Variants in MAGI2 observed in about 807,000 individuals in gnomAD.
MAGI2 encodes membrane-associated guanylate kinase, WW and PDZ domain-containing protein 2.
Under a neutral mutation model 133.3 loss-of-function variants are expected in MAGI2, and 35 were observed. That is an observed-to-expected ratio of 0.26 (90% CI 0.20 to 0.35). The LOEUF is 0.35. Ranked by LOEUF, MAGI2 falls within the 10% of genes least tolerant of loss-of-function variation. The pLI, the probability that MAGI2 is intolerant of heterozygous loss-of-function variation, is 1.00. For synonymous variants in MAGI2, 729 were observed against 710.6 expected, an observed-to-expected ratio of 1.03 and a Z score of -0.41; for missense variants, 1,636 against 1,863.4, an observed-to-expected ratio of 0.88 and a Z score of 2.25.
intron 16 of MAGI2, among the ~76,000 whole-genome samples, chr7:78,157,997 G>A (rs999397383): frequency 5.9e-5 from 9 of 152,068 alleles, no homozygotes; most frequent in Non-Finnish European, 5.9e-5. Flanking sequence ...GCCAAACAGG[G>A]CAATTCTCTC....
chr7:78,900,382 G>A (rs182938532), intron 2 of MAGI2, among the ~76,000 whole-genome samples: 1 of 152,090 alleles, frequency 6.6e-6, no homozygotes, highest in East Asian at 1.9e-4. Context: ...TTTAGAGCTG[G>A]TCCCCAGCTT....
intron 21 of MAGI2, among the ~76,000 whole-genome samples, chr7:78,022,442 GA>G (rs1400193180): frequency 6.6e-6 from 1 of 152,204 alleles, no homozygotes; most frequent in Non-Finnish European, 1.5e-5. Context: ...ACCATTTCCT[GA>G]AGGAGGAATT....
intron 2 of MAGI2, among the ~76,000 whole-genome samples, chr7:78,886,654 A>G (rs1405574298): frequency 6.6e-6 from 1 of 152,150 alleles, no homozygotes; most frequent in Non-Finnish European, 1.5e-5. Flanking sequence ...CCCCATTTTT[A>G]TTAATAACTT....
chr7:78,684,845 C>G (rs1412241313), intron 2 of MAGI2, among the ~76,000 whole-genome samples: 2 of 152,086 alleles, frequency 1.3e-5, no homozygotes, highest in Non-Finnish European at 2.9e-5. Context: ...GAAATTCTAC[C>G]TTGGCCAAAG....
intron 16 of MAGI2, chr7:78,158,336 A>G (rs1824600582): frequency 6.6e-6 from 1 of 152,106 alleles, no homozygotes; most frequent in Admixed American, 6.6e-5. Flanking sequence ...AGGCTGCTGA[A>G]TGAGCTCTGG....
chr7:79,335,552 G>C (rs1283879455), intron 1 of MAGI2, among the ~76,000 whole-genome samples: 1 of 151,956 alleles, frequency 6.6e-6, no homozygotes, highest in East Asian at 1.9e-4. Flanking sequence ...TCAGAAAAAT[G>C]GTAAATATAT....
intron 2 of MAGI2, among the ~76,000 whole-genome samples, chr7:78,882,602 C>T (rs1168671566): frequency 2.0e-5 from 3 of 151,954 alleles, no homozygotes; most frequent in African/African-American, 4.8e-5. Flanking sequence ...AATATTGATG[C>T]AAAAACACTC....
rs760890102 is a variant in MAGI2, at chr7:78,255,967, T to A, written c.2023A>T (p.Thr675Ser). 1.9e-6 allele frequency: 3 copies of A among 1,613,836 alleles called. No homozygotes were observed. The highest frequency in any genetic ancestry group is 2.5e-6 in the Non-Finnish European group (3 of 1,179,940). Residue 675 changes from threonine to serine, a missense_variant, in exon 10 of 22, where the codon ACT (threonine) becomes TCT (serine). Thr to Ser is a moderately conservative substitution (Grantham distance 58). Coordinates refer to ENST00000354212, the MANE Select transcript of MAGI2 (RefSeq NM_012301.4). The stretch of plus-strand genomic sequence containing the variant: ...CCTCCTCGATGGATAATCAAAGAAG[T>A]TTCACTTCCAATGGGACAGTCCTTA... Reference protein sequence around the residue: ...ILKDCPIGSETSLIIHRGGFF... With the variant: ...ILKDCPIGSESSLIIHRGGFF...
intron 1 of MAGI2, among the ~76,000 whole-genome samples, chr7:79,391,512 T>TATATATATATATATAGAC (rs1844620829): frequency 1.6e-4 from 7 of 43,288 alleles, no homozygotes; most frequent in African/African-American, 1.5e-3. Flanking sequence ...TATAGACATA[T>TATATATATATATATAGAC]ATATATATAT....
intron 3 of MAGI2, among the ~76,000 whole-genome samples, chr7:78,582,098 G>C (rs763674952): frequency 1.3e-5 from 2 of 152,214 alleles, no homozygotes; most frequent in Non-Finnish European, 2.9e-5. Context: ...TGTTTTCTCA[G>C]ATGCAAAGGT....
intron 1 of MAGI2, among the ~76,000 whole-genome samples, chr7:79,152,777 C>T (rs1823380518): frequency 6.6e-6 from 1 of 152,100 alleles, no homozygotes; most frequent in Non-Finnish European, 1.5e-5. Flanking sequence ...ACTTTGAATA[C>T]CCACATCATA....
At chr7:78,614,550 A>G (rs934808285) in intron 3 of MAGI2, 7 of 152,164 alleles carry the variant, frequency 4.6e-5, no homozygotes, top group African/African-American at 1.7e-4. Context: ...ACTTTATTAT[A>G]ATTGTAAAAT....
chr7:79,413,481 G>T (rs1359563261), intron 1 of MAGI2: 1 of 152,154 alleles, frequency 6.6e-6, no homozygotes, highest in Non-Finnish European at 1.5e-5. Context: ...ACAGAAAACA[G>T]AACCATACAG....
intron 2 of MAGI2, among the ~76,000 whole-genome samples, chr7:78,814,444 C>T (rs1789378811): frequency 6.6e-6 from 1 of 152,166 alleles, no homozygotes; most frequent in Non-Finnish European, 1.5e-5. Context: ...TAGGATAAGC[C>T]TTCTGAGCTT....
intron 2 of MAGI2, among the ~76,000 whole-genome samples, chr7:78,875,757 G>A (rs148048724): frequency 3.7e-4 from 57 of 152,220 alleles, no homozygotes; most frequent in African/African-American, 1.3e-3. Context: ...GTGCCTCCAA[G>A]TGAGCCTAGA....
intron 2 of MAGI2, among the ~76,000 whole-genome samples, chr7:78,860,480 G>T (rs1794065049): frequency 6.6e-6 from 1 of 152,210 alleles, no homozygotes; most frequent in Admixed American, 6.5e-5. Flanking sequence ...ACCCTCAGCT[G>T]CAGGTCTGTG....
At chr7:79,247,677 T>A (rs1832920777) in intron 1 of MAGI2, among the ~76,000 whole-genome samples, 1 of 152,064 alleles carries the variant, frequency 6.6e-6, no homozygotes, top group Non-Finnish European at 1.5e-5. Flanking sequence ...TACAATAAGA[T>A]ACAAATAGAA....
chr7:78,687,969 T>TAAAAAAAAAA (rs72030909), intron 2 of MAGI2, among the ~76,000 whole-genome samples: 98 of 67,234 alleles, frequency 1.5e-3, no homozygotes, highest in Admixed American at 2.1e-3. Context: ...GTCCTTGCCT[T>TAAAAAAAAAA]AAAAAAAAAA....
At chr7:79,077,842 T>C (rs1363837975) in intron 1 of MAGI2, among the ~76,000 whole-genome samples, 1 of 152,166 alleles carries the variant, frequency 6.6e-6, no homozygotes, top group Non-Finnish European at 1.5e-5. Context: ...TAATCAGTGC[T>C]AGATATTTAC....
Sources: gnomAD v4.1 joint callset for allele counts (sites outside exome capture counted in the v4.1 genomes callset) on GRCh38, gnomAD v4.1.1 for gene constraint, MANE v1.5 for transcripts, NCBI Gene and HGNC (gene_info 2026-07-23, HGNC 2026-07-21) for gene names.